GARNL3: variants seen among roughly 807,000 people sequenced by gnomAD.
The protein encoded by GARNL3 is GTPase-activating Rap/Ran-GAP domain-like protein 3.
In GARNL3, 63 loss-of-function variants were observed where a neutral mutation model predicts 125.0. The observed-to-expected ratio is 0.50, with a 90% CI of 0.41 to 0.62. The LOEUF (loss-of-function observed/expected upper bound fraction) is 0.62. Ranked by LOEUF, GARNL3 falls within the 20% of genes least tolerant of loss-of-function variation. The pLI is 0.00. For synonymous variants in GARNL3, 439 were observed against 457.5 expected (o/e 0.96, Z 0.52); for missense variants, 994 against 1,244.0 (o/e 0.80, Z 3.02).
chr9:127,376,244 G>A lies in GARNL3; in HGVS notation c.2162-7194G>A, dbSNP rs564724646. Among the ~76,000 whole-genome samples the A allele has an allele frequency of 3.9e-5, 6 of 152,138 alleles. No homozygotes were observed. In the East Asian group the frequency reaches 1.2e-3, roughly 29 times the overall value. On this transcript the variant is annotated intron_variant, in intron 22 of 27. Coordinates refer to ENST00000373387, the MANE Select transcript of GARNL3 (RefSeq NM_032293.5). ...CAAAATGCTGGGATTAGAGGCGTGA[G>A]CCACTGCACCCAGCCTCTTAACATT...
intron 22 of GARNL3, chr9:127,367,474 A>G (rs1831345481): frequency 6.6e-6 from 1 of 152,240 alleles, no homozygotes. Context: ...ACTTTCAGTT[A>G]TGTGTTATTT....
chr9:127,246,725 T>C (rs563449325), intron 2 of GARNL3, among the ~76,000 whole-genome samples: 2 of 152,158 alleles, frequency 1.3e-5, no homozygotes, highest in South Asian at 4.2e-4. Context: ...GAGAATCACT[T>C]TAGCCCAGGA....
intron 1 of GARNL3, among the ~76,000 whole-genome samples, chr9:127,268,414 A>T (rs1564863937): frequency 6.6e-6 from 1 of 152,250 alleles, no homozygotes; most frequent in Admixed American, 6.5e-5. Context: ...TCTGGTCCAT[A>T]TGCTTTCTTG....
intron 24 of GARNL3, 154 bp from the exon 25 acceptor site, chr9:127,387,039 A>G: frequency 1.5e-6 from 1 of 654,864 alleles, no homozygotes; most frequent in South Asian, 2.9e-5. Flanking sequence ...TTCCTCCAGA[A>G]GGCTCTCTCC....
Position 127,387,185 on chromosome 9 carries a change from C to G in GARNL3, c.2389-8C>G. The G allele has an allele frequency of 6.2e-7, 1 of 1,609,468 alleles. No individual in the cohort carries two copies. The highest frequency in any genetic ancestry group is 8.5e-7 in the Non-Finnish European group (1 of 1,177,558). ...GGCAGCCCGGTAATGCTCTCTCTTC[C>G]TTTCTAGTCGGATATATACTTCACA... On this transcript the variant is annotated splice_polypyrimidine_tract_variant and splice_region_variant and intron_variant, in intron 24 of 27. Coordinates refer to ENST00000373387, the MANE Select transcript of GARNL3 (RefSeq NM_032293.5).
Position 127,271,181 on chromosome 9 carries a change from A to T in GARNL3, c.144+6160A>T, listed in dbSNP as rs532653570. On this transcript the variant is annotated intron_variant, in intron 1 of 27. Coordinates refer to ENST00000373387, the MANE Select transcript of GARNL3 (RefSeq NM_032293.5). Reference sequence around the variant, plus strand: ...ATATAGCGAGAATTTAAAAGCTCAAACTAAAAGCACTTAGTGAAAATGTCT... The same window carrying T: ...ATATAGCGAGAATTTAAAAGCTCAATCTAAAAGCACTTAGTGAAAATGTCT... 3.3e-5 allele frequency among the ~76,000 whole-genome samples: 5 copies of T among 150,424 alleles called. No individual in the cohort carries two copies. The East Asian group carries it at 9.6e-4, about 29-fold the overall frequency.
rs117938108 is a variant in GARNL3, at chr9:127,393,366, A to G, written c.*112A>G. The G allele has an allele frequency of 4.5e-3, 4,324 of 964,982 alleles. 20 individuals are homozygous for G. The highest frequency in any genetic ancestry group is 5.6e-3 in the Non-Finnish European group (3,650 of 646,028). The allele number at this position is 964,982 out of a possible 1,614,324, so 59.8% of individuals were successfully genotyped here. A position where few individuals can be genotyped will look rare whatever the true frequency, so the allele number is the denominator to read the frequency against. ...GTGGCTTTTAGCCTGTCAGTGATCT[A>G]TTGGACCAAACCTTCTGCACACTCG... On this transcript the variant is annotated 3_prime_UTR_variant, in exon 28 of 28. Coordinates refer to ENST00000373387, the MANE Select transcript of GARNL3 (RefSeq NM_032293.5).
At chr9:127,342,372 G>T in intron 14 of GARNL3, 38 bp downstream of exon 14, 2 of 1,348,758 alleles carry the variant, frequency 1.5e-6, no homozygotes, top group Non-Finnish European at 1.1e-6. Context: ...CTTCTTATGG[G>T]GTCTGAGTTG....
chr9:127,374,047 A>G (rs1442182833), intron 22 of GARNL3, among the ~76,000 whole-genome samples: 3 of 152,092 alleles, frequency 2.0e-5, no homozygotes, highest in Non-Finnish European at 2.9e-5. Context: ...CACGCCTGTA[A>G]TCCAGGCACT....
Position 127,264,899 on chromosome 9 carries a change from A to T in GARNL3, c.22A>T (p.Arg8Trp). MVVDFCR[R>W]FVARSLCIIL... ...GCAAATGGTAGTTGATTTTTGCAGA[A>T]GGTTTGTGGCCAGATCGCTATGTAT... The change falls in exon 1 of 28, where the codon AGG (arginine) becomes TGG (tryptophan). Residue 8 changes from arginine to tryptophan, a missense_variant. This residue lies in a region of GARNL3 where 37 missense variants were observed against 34.2 expected (regional missense o/e 1.08). Transcript: ENST00000373387. The T allele has an allele frequency of 6.3e-7, 1 of 1,587,732 alleles. No homozygotes were observed. The highest frequency in any genetic ancestry group is 8.6e-7 in the Non-Finnish European group (1 of 1,164,348).
At chr9:127,330,157 T>C (rs1210882009) in intron 7 of GARNL3, among the ~76,000 whole-genome samples, 1 of 152,276 alleles carries the variant, frequency 6.6e-6, no homozygotes, top group Non-Finnish European at 1.5e-5. Flanking sequence ...CTTCAGGTGA[T>C]TCTGATGCCT....
At chr9:127,376,267 A>ATTT (rs537824459) in intron 22 of GARNL3, among the ~76,000 whole-genome samples, 1 of 146,658 alleles carries the variant, frequency 6.8e-6, no homozygotes, top group Admixed American at 6.8e-5. Flanking sequence ...GCCTCTTAAC[A>ATTT]TTTTTTTTTT....
chr9:127,353,234 CTTTA>C (rs1366282872), intron 17 of GARNL3, among the ~76,000 whole-genome samples: 1 of 152,094 alleles, frequency 6.6e-6, no homozygotes. Flanking sequence ...TAATATTTCT[CTTTA>C]TTTATGTTTT....
chr9:127,373,519 C>G (rs1421242060), intron 22 of GARNL3, among the ~76,000 whole-genome samples: 7 of 152,172 alleles, frequency 4.6e-5, no homozygotes, highest in African/African-American at 1.7e-4. Context: ...TTTCCCAGCA[C>G]TTTGGGAGGC....
chr9:127,231,050 A>ATATATATTTT (rs1161629810), intron 1 of GARNL3, among the ~76,000 whole-genome samples: 8 of 89,546 alleles, frequency 8.9e-5, no homozygotes, highest in African/African-American at 6.4e-4. Context: ...ATATATATAT[A>ATATATATTTT]TTTTTTTTTT....
At chr9:127,288,624 G>A (rs2064320531) in intron 1 of GARNL3, among the ~76,000 whole-genome samples, 1 of 152,080 alleles carries the variant, frequency 6.6e-6, no homozygotes, top group Admixed American at 6.5e-5. Context: ...GAGTTCAAAG[G>A]GAGCTGAATT....
intron 2 of GARNL3, among the ~76,000 whole-genome samples, chr9:127,307,623 G>A (rs2131446450): frequency 6.6e-6 from 1 of 152,274 alleles, no homozygotes; most frequent in East Asian, 1.9e-4. Flanking sequence ...TAGTCATAGT[G>A]GGAAAATGTG....
At chr9:127,225,542 G>T in intron 1 of GARNL3, 1 of 237,708 alleles carries the variant, frequency 4.2e-6, no homozygotes, top group Non-Finnish European at 6.8e-6. Context: ...CGGAGCCCGG[G>T]CTGAACGGCC....
At position 127,358,249 on chromosome 9, in the gene GARNL3, G is replaced by C. The variant is rs144172580; in HGVS notation, c.2094+872G>C. Among the ~76,000 whole-genome samples, 91 of 152,352 alleles carry C rather than the reference G, an allele frequency of 6.0e-4. 1 individual carries two copies. Among genetic ancestry groups the C allele is most frequent in the South Asian group, 5.6e-3 (27 of 4,822 alleles). ...TTCAGCACTGACACTGACATTAGCA[G>C]ATCACAGAGCTTTTCAGCCCACGTA... On this transcript the variant is annotated intron_variant, in intron 21 of 27. Transcript: ENST00000373387.
Sources: allele counts gnomAD v4.1 joint callset (sites outside exome capture counted in the v4.1 genomes callset), GRCh38; gene constraint gnomAD v4.1.1; regional missense constraint gnomAD v4.1.1; transcripts MANE v1.5; gene names NCBI Gene and HGNC (gene_info 2026-07-23, HGNC 2026-07-21).